LRP1B: variants seen among roughly 807,000 people sequenced by gnomAD.
The protein encoded by LRP1B is LDL receptor related protein 1B.
In LRP1B, 217 loss-of-function variants were observed where a neutral mutation model predicts 556.6. That is an observed-to-expected ratio of 0.39 (90% CI 0.35 to 0.44). The LOEUF (loss-of-function observed/expected upper bound fraction) is 0.44, where lower values mean the gene tolerates loss of function less well. Among genes scored for constraint, LRP1B ranks in the 20% least tolerant of loss-of-function variants. LRP1B has a pLI of 1.00. For missense variants in LRP1B, 5,053 were observed against 5,620.8 expected (o/e 0.90, Z 3.23); for synonymous variants, 2,047 against 1,865.8 (o/e 1.10, Z -2.50).
rs760302331 is a variant in LRP1B at position 141,013,766 on chromosome 2, G to A, written c.2191-21C>T. On this transcript the variant is annotated intron_variant, in intron 13 of 90. Coordinates refer to ENST00000389484, the MANE Select transcript of LRP1B (RefSeq NM_018557.3). ...ACAATCTGTAAAATATAAACACATTGTGAAAAATCAGAACTGACCTTTAGA... is the reference window on the plus strand; with the variant it reads ...ACAATCTGTAAAATATAAACACATTATGAAAAATCAGAACTGACCTTTAGA... The A allele has an allele frequency of 2.1e-6, 3 of 1,448,154 alleles. No individual in the cohort carries two copies. The South Asian group carries it at 4.5e-5, about 22-fold the overall frequency. The allele number at this position is 1,448,154 out of a possible 1,614,324, so 89.7% of individuals were successfully genotyped here.
At chr2:141,036,273 T>C (rs1453674397) in intron 11 of LRP1B, among the ~76,000 whole-genome samples, 1 of 152,014 alleles carries the variant, frequency 6.6e-6, no homozygotes, top group African/African-American at 2.4e-5. Flanking sequence ...TTCTTAAAAC[T>C]GAGTGTGGTT....
intron 3 of LRP1B, among the ~76,000 whole-genome samples, chr2:141,469,625 T>C (rs561423214): frequency 6.6e-6 from 1 of 152,328 alleles, no homozygotes; most frequent in African/African-American, 2.4e-5. Context: ...AAAATAGTAT[T>C]TTTTACAATT....
intron 3 of LRP1B, among the ~76,000 whole-genome samples, chr2:141,373,935 T>C (rs1689333788): frequency 6.6e-6 from 1 of 152,064 alleles, no homozygotes; most frequent in African/African-American, 2.4e-5. Flanking sequence ...TTTGTGAGAT[T>C]GTTTTATAAA....
At chr2:141,255,812 C>T (rs898246473) in intron 3 of LRP1B, among the ~76,000 whole-genome samples, 1 of 151,768 alleles carries the variant, frequency 6.6e-6, no homozygotes, top group Admixed American at 6.6e-5. Flanking sequence ...GTAATCAAAG[C>T]TCCAACCCAA....
chr2:141,579,684 G>A (rs550692748), intron 2 of LRP1B, among the ~76,000 whole-genome samples: 21 of 145,636 alleles, frequency 1.4e-4, no homozygotes, highest in African/African-American at 5.5e-4. Context: ...CTTTGCTTAA[G>A]TGTACTCTTA....
At chr2:141,240,114 C>T (rs1357151716) in intron 5 of LRP1B, among the ~76,000 whole-genome samples, 1 of 151,956 alleles carries the variant, frequency 6.6e-6, no homozygotes, top group Non-Finnish European at 1.5e-5. Context: ...AAGAAATACA[C>T]ACATTTAAAA....
intron 32 of LRP1B, among the ~76,000 whole-genome samples, chr2:140,785,805 T>C (rs1689877109): frequency 6.6e-6 from 1 of 152,102 alleles, no homozygotes; most frequent in Admixed American, 6.5e-5. Context: ...TATGAGTCTT[T>C]CCCAGCAGAC....
intron 41 of LRP1B, among the ~76,000 whole-genome samples, chr2:140,629,774 G>T (rs528685872): frequency 3.3e-4 from 51 of 152,276 alleles, no homozygotes; most frequent in African/African-American, 1.2e-3. Flanking sequence ...TACCTCTCTG[G>T]AATGGGATTG....
intron 32 of LRP1B, among the ~76,000 whole-genome samples, chr2:140,794,770 C>A (rs183836365): frequency 6.6e-6 from 1 of 151,882 alleles, no homozygotes; most frequent in African/African-American, 2.4e-5. Context: ...TGAGCCACTA[C>A]GCCCAGCTAA....
chr2:140,500,612 T>C (rs748211361), intron 55 of LRP1B, among the ~76,000 whole-genome samples: 3 of 152,006 alleles, frequency 2.0e-5, no homozygotes, highest in Non-Finnish European at 4.4e-5. Context: ...AATTCCGATC[T>C]TTTAAGCAAC....
At chr2:140,649,412 GA>G (rs994145188) in intron 41 of LRP1B, among the ~76,000 whole-genome samples, 5 of 151,102 alleles carry the variant, frequency 3.3e-5, no homozygotes, top group South Asian at 2.1e-4. Context: ...CTTTCAAGGG[GA>G]AAAAAAAAGT....
At chr2:140,890,671 C>T (rs1693771768) in intron 23 of LRP1B, among the ~76,000 whole-genome samples, 1 of 151,950 alleles carries the variant, frequency 6.6e-6, no homozygotes, top group South Asian at 2.1e-4. Context: ...AGATATCTCC[C>T]TCAAGTGCCT....
At chr2:140,685,843 A>G (rs1686027759) in intron 41 of LRP1B, among the ~76,000 whole-genome samples, 1 of 152,188 alleles carries the variant, frequency 6.6e-6, no homozygotes, top group Non-Finnish European at 1.5e-5. Flanking sequence ...CACTTAACAT[A>G]TCTTTGGGGA....
At chr2:141,619,022 A>G (rs1278127919) in intron 2 of LRP1B, among the ~76,000 whole-genome samples, 1 of 152,180 alleles carries the variant, frequency 6.6e-6, no homozygotes, top group Admixed American at 6.5e-5. Context: ...ATCTGCTATG[A>G]TCTCCCAAGG....
In LRP1B at chr2:141,731,723, G is replaced by C. The variant is rs77870945; in HGVS notation, c.205+78556C>G. On this transcript the variant is annotated intron_variant, in intron 2 of 90. Coordinates refer to ENST00000389484, the MANE Select transcript of LRP1B (RefSeq NM_018557.3). ...ACCATCTACCAACTTCATGACCTTG[G>C]AGAAAATTACTTAACTCTTCTGTAT... Among the ~76,000 whole-genome samples the C allele has an allele frequency of 7.0e-3, 1,063 of 152,142 alleles. 13 individuals are homozygous for C. Among genetic ancestry groups the C allele is most frequent in the African/African-American group, 0.025 (1,023 of 41,524 alleles).
rs896015487 is a variant in LRP1B, at chr2:140,893,876, T to C, written c.3767-7541A>G. Among the ~76,000 whole-genome samples, 6 of 152,182 alleles carry C rather than the reference T, an allele frequency of 3.9e-5. No homozygotes were observed. The South Asian group carries it at 8.3e-4, about 21-fold the overall frequency. Reference sequence around the variant, plus strand: ...GTCATGCATATACTATCATTACTCATGATGAAAATAGCAATAATGTGCCTA... The same window carrying C: ...GTCATGCATATACTATCATTACTCACGATGAAAATAGCAATAATGTGCCTA... On this transcript the variant is annotated intron_variant, in intron 23 of 90. Coordinates refer to ENST00000389484, the MANE Select transcript of LRP1B (RefSeq NM_018557.3).
intron 25 of LRP1B, among the ~76,000 whole-genome samples, chr2:140,881,173 A>T (rs533976687): frequency 1.7e-4 from 26 of 152,150 alleles, no homozygotes; most frequent in African/African-American, 5.8e-4. Flanking sequence ...TATTGTACAT[A>T]GCACTAAGAT....
intron 66 of LRP1B, among the ~76,000 whole-genome samples, chr2:140,412,975 A>G (rs1685030305): frequency 6.6e-6 from 1 of 152,156 alleles, no homozygotes; most frequent in Non-Finnish European, 1.5e-5. Flanking sequence ...CCAACAGAGT[A>G]TAAGCATTTA....
intron 17 of LRP1B, among the ~76,000 whole-genome samples, chr2:140,988,949 A>G (rs1208695857): frequency 6.6e-6 from 1 of 152,104 alleles, no homozygotes; most frequent in Non-Finnish European, 1.5e-5. Context: ...ACTCCATTGT[A>G]AACTATACCA....
Sources: gnomAD v4.1 joint callset for allele counts (sites outside exome capture counted in the v4.1 genomes callset) on GRCh38, gnomAD v4.1.1 for gene constraint, MANE v1.5 for transcripts, NCBI Gene and HGNC (gene_info 2026-07-23, HGNC 2026-07-21) for gene names.